KALRN: variants seen among roughly 807,000 people sequenced by gnomAD.
KALRN encodes kalirin RhoGEF kinase, also known as kalirin.
KALRN carries 70 observed loss-of-function variants against 353.7 expected under a neutral mutation model. The ratio of observed to expected loss-of-function variants is 0.20; its 90% confidence interval spans 0.16 to 0.24. The LOEUF (loss-of-function observed/expected upper bound fraction) is 0.24. Among genes scored for constraint, KALRN ranks in the 10% least tolerant of loss-of-function variants. The pLI is 1.00. For synonymous variants in KALRN, 1,391 were observed against 1,434.8 expected (o/e 0.97, Z 0.69); for missense variants, 2,791 against 3,756.7 (o/e 0.74, Z 6.72).
At chr3:124,155,057 T>C (rs1375106351) in intron 1 of KALRN, among the ~76,000 whole-genome samples, 1 of 152,220 alleles carries the variant, frequency 6.6e-6, no homozygotes, top group African/African-American at 2.4e-5. Flanking sequence ...GCTAGCCATA[T>C]GTAGAAAGCT....
In KALRN at chr3:124,314,166, G is replaced by A. The variant is rs372854052; in HGVS notation, c.1093-11814G>A. On this transcript the variant is annotated intron_variant, in intron 6 of 59. Transcript: ENST00000682506. ...ACATATACACCATGGAATACTAGGC[G>A]GCCATAAAAAAGGATGAGTTCATGT... 5.9e-5 allele frequency among the ~76,000 whole-genome samples: 9 copies of A among 152,046 alleles called. No homozygotes were observed. In the South Asian group the frequency reaches 6.2e-4, roughly 11 times the overall value.
chr3:124,486,163 C>G (rs1311121609), intron 28 of KALRN, among the ~76,000 whole-genome samples: 1 of 152,042 alleles, frequency 6.6e-6, no homozygotes, highest in Non-Finnish European at 1.5e-5. Context: ...AAATGTGGAG[C>G]CTTCTCCTTA....
intron 37 of KALRN, among the ~76,000 whole-genome samples, chr3:124,644,499 C>T (rs2082464849): frequency 6.6e-6 from 1 of 152,012 alleles, no homozygotes; most frequent in Non-Finnish European, 1.5e-5. Flanking sequence ...CAGACAGGCC[C>T]CAGTGTGTGA....
Position 124,455,264 on chromosome 3 carries a change from T to C in KALRN, c.3640T>C (p.Trp1214Arg). Reference protein sequence around the residue: ...GHIHATEIRKWVTTVDKHYRD... With the variant: ...GHIHATEIRKRVTTVDKHYRD... ...CATTCATGCCACGGAGATAAGGAAA[T>C]GGGTGACCACGGTGGACAAGCACTA... Residue 1214 changes from tryptophan (W) to arginine (R), a missense_variant, in exon 22 of 60, where the codon TGG becomes CGG. By Grantham distance (101) the Trp-to-Arg change is moderately radical. Coordinates refer to ENST00000682506, the MANE Select transcript of KALRN (RefSeq NM_001388419.1). 2.5e-6 allele frequency: 4 copies of C among 1,614,072 alleles called. No individual in the cohort carries two copies. Among genetic ancestry groups the C allele is most frequent in the Non-Finnish European group, 3.4e-6 (4 of 1,179,984 alleles).
At chr3:124,265,808 T>TC (rs2073456903) in intron 4 of KALRN, among the ~76,000 whole-genome samples, 4 of 152,184 alleles carry the variant, frequency 2.6e-5, no homozygotes, top group Non-Finnish European at 5.9e-5. Flanking sequence ...TGACTGTTGG[T>TC]GACATTAATC....
chr3:124,169,737 G>T (rs148500382), intron 1 of KALRN, among the ~76,000 whole-genome samples: 1 of 152,262 alleles, frequency 6.6e-6, no homozygotes, highest in Admixed American at 6.5e-5. Flanking sequence ...AGAGACACAG[G>T]GAAGGAGTTA....
intron 3 of KALRN, among the ~76,000 whole-genome samples, chr3:124,250,276 G>T (rs913661332): frequency 2.0e-5 from 3 of 152,228 alleles, no homozygotes. Flanking sequence ...ATTCCACCTG[G>T]CCTGCCAGGA....
intron 9 of KALRN, among the ~76,000 whole-genome samples, chr3:124,345,080 C>CA (rs1248998665): frequency 6.6e-6 from 1 of 152,120 alleles, no homozygotes; most frequent in Non-Finnish European, 1.5e-5. Flanking sequence ...CATTGCCAGA[C>CA]AAGCAGGCCA....
intron 1 of KALRN, among the ~76,000 whole-genome samples, chr3:124,060,855 G>A (rs1475947557): frequency 2.0e-5 from 3 of 152,262 alleles, no homozygotes; most frequent in African/African-American, 7.2e-5. Context: ...CTGCTAGGTG[G>A]AAGGGGTAGG....
At chr3:124,139,242 C>T (rs955709357) in intron 1 of KALRN, among the ~76,000 whole-genome samples, 4 of 152,160 alleles carry the variant, frequency 2.6e-5, no homozygotes, top group Admixed American at 6.5e-5. Context: ...ATGTTGACAA[C>T]ACTCTCTTTA....
rs116629131 is a variant in KALRN at position 124,088,516 on chromosome 3, A to G, written c.73+54703A>G. 6.6e-3 allele frequency among the ~76,000 whole-genome samples: 1,005 copies of G among 152,322 alleles called. 12 individuals carry two copies. Among genetic ancestry groups the G allele is most frequent in the African/African-American group, 0.023 (951 of 41,570 alleles). ...CTGGTCCCATGAATTGAGAATTTCA[A>G]TGTGACCTGAGCTTGTTTTTGTTGC... On this transcript the variant is annotated intron_variant, in intron 1 of 59. Transcript: ENST00000682506.
chr3:124,446,674 G>A, intron 20 of KALRN, 89 bp from the exon 21 acceptor site: 1 of 1,514,840 alleles, frequency 6.6e-7, no homozygotes. Context: ...CCATTAAGTT[G>A]TCCCAACAAT....
At chr3:124,387,521 G>A (rs941557453) in intron 11 of KALRN, among the ~76,000 whole-genome samples, 2 of 152,094 alleles carry the variant, frequency 1.3e-5, no homozygotes, top group Admixed American at 6.5e-5. Flanking sequence ...TAGTAAGTAC[G>A]GAAATTGACC....
At chr3:124,537,446 TATC>T (rs768909989) in intron 33 of KALRN, among the ~76,000 whole-genome samples, 64 of 152,272 alleles carry the variant, frequency 4.2e-4, no homozygotes, top group Middle Eastern at 3.4e-3. Context: ...GAGATACAAA[TATC>T]ATTCTGCTAG....
chr3:124,476,227 G>T (rs904987572), intron 26 of KALRN, among the ~76,000 whole-genome samples: 1 of 151,536 alleles, frequency 6.6e-6, no homozygotes, highest in Non-Finnish European at 1.5e-5. Context: ...GTATTGAAAG[G>T]CAGTGGTCAA....
rs2063071971 is a variant in KALRN, at chr3:124,490,768, C to T, written c.4471C>T (p.Leu1491=). The T allele has an allele frequency of 6.2e-7, 1 of 1,613,790 alleles. No individual in the cohort carries two copies. Among genetic ancestry groups the T allele is most frequent in the South Asian group, 1.1e-5 (1 of 91,062 alleles). The part of the protein sequence containing the change: ...DAFQVWDPKS[L]IRKGRERHLF... ...CTTTCAAGTGTGGGACCCGAAGTCG[C>T]TGATCCGGAAGGGGCGGGAGCGGCA... Residue 1491 remains leucine, a synonymous_variant, in exon 30 of 60, where the codon CTG becomes TTG. Coordinates refer to ENST00000682506, the MANE Select transcript of KALRN (RefSeq NM_001388419.1).
chr3:124,272,576 G>A (rs1386784513), intron 5 of KALRN, among the ~76,000 whole-genome samples: 2 of 151,908 alleles, frequency 1.3e-5, no homozygotes, highest in African/African-American at 4.8e-5. Flanking sequence ...ACGTGTGTAT[G>A]TTCATGCATG....
chr3:124,385,115 C>G, intron 11 of KALRN, 79 bp downstream of exon 11: 1 of 1,289,526 alleles, frequency 7.8e-7, no homozygotes, highest in South Asian at 1.5e-5. Flanking sequence ...CCCTGAAGGT[C>G]TGACCAGGGT....
At chr3:124,694,822 C>A (rs1382916634) in intron 53 of KALRN, among the ~76,000 whole-genome samples, 2 of 152,180 alleles carry the variant, frequency 1.3e-5, no homozygotes, top group African/African-American at 4.8e-5. Context: ...GTGCTCCAGA[C>A]CCACATTAAA....
Sources: gnomAD v4.1 joint callset for allele counts (sites outside exome capture counted in the v4.1 genomes callset) on GRCh38, gnomAD v4.1.1 for gene constraint, MANE v1.5 for transcripts, NCBI Gene and HGNC (gene_info 2026-07-23, HGNC 2026-07-21) for gene names.